CADPS: variants seen among roughly 807,000 people sequenced by gnomAD.
CADPS encodes the protein calcium dependent secretion activator, also known as calcium-dependent secretion activator 1.
A neutral mutation model predicts 167.3 loss-of-function variants in CADPS; 57 were observed. That is an observed-to-expected ratio of 0.34 (90% CI 0.28 to 0.42). CADPS has a LOEUF of 0.42. CADPS is among the 20% of genes least tolerant of loss of function. CADPS has a pLI of 1.00. For synonymous variants in CADPS, 676 were observed against 635.3 expected, an observed-to-expected ratio of 1.06 and a Z score of -0.96; for missense variants, 1,414 against 1,738.1, an observed-to-expected ratio of 0.81 and a Z score of 3.32.
intron 28 of CADPS, among the ~76,000 whole-genome samples, chr3:62,423,413 G>A (rs765550304): frequency 7.9e-5 from 12 of 152,170 alleles, no homozygotes; most frequent in Admixed American, 5.9e-4. Context: ...TATATCCTGC[G>A]GTGATCCATG....
At chr3:62,571,104 C>T (rs2081210046) in intron 8 of CADPS, among the ~76,000 whole-genome samples, 166 bp from the exon 9 acceptor site, 1 of 152,194 alleles carries the variant, frequency 6.6e-6, no homozygotes, top group African/African-American at 2.4e-5. Context: ...ACAGCAAGCA[C>T]TTTTCACTTC....
intron 3 of CADPS, among the ~76,000 whole-genome samples, chr3:62,729,712 T>C (rs2077403524): frequency 6.6e-6 from 1 of 151,912 alleles, no homozygotes; most frequent in African/African-American, 2.4e-5. Flanking sequence ...ACCTCAATGT[T>C]ATTATTGTTG....
At chr3:62,472,467 A>AG (rs1033879261) in intron 24 of CADPS, among the ~76,000 whole-genome samples, 47 of 152,178 alleles carry the variant, frequency 3.1e-4, no homozygotes, top group African/African-American at 1.1e-3. Flanking sequence ...CACCAAAAAC[A>AG]GGGCCTTTAA....
intron 1 of CADPS, among the ~76,000 whole-genome samples, chr3:62,807,306 G>A (rs2094150481): frequency 7.1e-6 from 1 of 140,920 alleles, no homozygotes; most frequent in Non-Finnish European, 1.6e-5. Flanking sequence ...TTGTCGCCCA[G>A]GCTGGAGGGC....
chr3:62,597,576 A>G (rs1396078457), intron 6 of CADPS, among the ~76,000 whole-genome samples: 1 of 152,180 alleles, frequency 6.6e-6, no homozygotes, highest in Non-Finnish European at 1.5e-5. Flanking sequence ...TTCAGTGGGT[A>G]CCAACCCAGG....
At chr3:62,679,157 A>C (rs1017331933) in intron 3 of CADPS, among the ~76,000 whole-genome samples, 2 of 152,008 alleles carry the variant, frequency 1.3e-5, no homozygotes, top group African/African-American at 4.8e-5. Context: ...CAGCTGGTTG[A>C]CCTGCCTTGT....
intron 1 of CADPS, among the ~76,000 whole-genome samples, chr3:62,801,098 T>G (rs907331294): frequency 6.6e-6 from 1 of 152,162 alleles, no homozygotes; most frequent in Non-Finnish European, 1.5e-5. Flanking sequence ...TGTTTCTTCA[T>G]CTGTAGAGTG....
chr3:62,634,443 T>C lies in CADPS; in HGVS notation c.1325+11279A>G, dbSNP rs565849968. The stretch of plus-strand genomic sequence containing the variant: ...AATAGAATTCAACATATAGAGCACA[T>C]ATGAAGATTTTTTACTCCATCGTGC... On this transcript the variant is annotated intron_variant, in intron 6 of 29. Transcript: ENST00000383710. Among the ~76,000 whole-genome samples the C allele has an allele frequency of 1.2e-3, 186 of 152,298 alleles. 2 individuals are homozygous for C. The highest frequency in any genetic ancestry group is 4.2e-3 in the African/African-American group (176 of 41,572).
chr3:62,493,700 T>C (rs1484130910), intron 18 of CADPS, 35 bp from the exon 19 acceptor site: 3 of 1,545,542 alleles, frequency 1.9e-6, no homozygotes, highest in Admixed American at 2.0e-5. Context: ...AATCAAGTCA[T>C]GGACCATTCT....
chr3:62,627,974 C>T (rs1465908700), intron 6 of CADPS, among the ~76,000 whole-genome samples: 1 of 152,190 alleles, frequency 6.6e-6, no homozygotes, highest in Non-Finnish European at 1.5e-5. Context: ...CCATCCCTTC[C>T]CCTAAGGAAA....
At chr3:62,708,434 TTAA>T (rs1478666688) in intron 3 of CADPS, among the ~76,000 whole-genome samples, 1 of 152,074 alleles carries the variant, frequency 6.6e-6, no homozygotes, top group African/African-American at 2.4e-5. Context: ...ATCTGATGTG[TTAA>T]TATTATTATT....
intron 1 of CADPS, among the ~76,000 whole-genome samples, chr3:62,771,368 C>T (rs1484371492): frequency 6.6e-6 from 1 of 152,140 alleles, no homozygotes; most frequent in Non-Finnish European, 1.5e-5. Context: ...TTCTTAACAC[C>T]CTTTGCCAAC....
In CADPS at chr3:62,421,467, G is replaced by T. The variant is rs1020393309; in HGVS notation, c.3777+16637C>A. ...GACAGATGTACAAAGGCGGAACTGCGCCGTGCAGCTTATCCGCATGCACCC... is the reference window on the plus strand; with the variant it reads ...GACAGATGTACAAAGGCGGAACTGCTCCGTGCAGCTTATCCGCATGCACCC... On this transcript the variant is annotated intron_variant, in intron 28 of 29. Coordinates refer to ENST00000383710, the MANE Select transcript of CADPS (RefSeq NM_003716.4). This position sits in a 1 kb window ranked among gnomAD's most constrained non-coding sequence, Gnocchi z 4.7. 6.6e-6 allele frequency among the ~76,000 whole-genome samples: 1 copy of T among 152,140 alleles called. No homozygotes were observed. Among genetic ancestry groups the T allele is most frequent in the Non-Finnish European group, 1.5e-5 (1 of 68,038 alleles).
intron 4 of CADPS, among the ~76,000 whole-genome samples, chr3:62,656,727 A>G (rs2150346346): frequency 6.6e-6 from 1 of 152,290 alleles, no homozygotes; most frequent in Middle Eastern, 3.4e-3. Flanking sequence ...TGAGAGAAAG[A>G]GGTCTTGGTA....
intron 6 of CADPS, among the ~76,000 whole-genome samples, chr3:62,610,239 T>C (rs1370269102): frequency 2.0e-5 from 3 of 149,670 alleles, no homozygotes; most frequent in Non-Finnish European, 4.4e-5. Flanking sequence ...TTTTCTTCCT[T>C]TTCTTTTCTT....
chr3:62,651,151 C>T (rs4688302), intron 4 of CADPS, 71 bp from the exon 5 acceptor site: 1,030,888 of 1,045,428 alleles, frequency 0.99, 509,419 homozygotes, highest in East Asian at 1. Context: ...GGTCTTTGTC[C>T]CATGGCCCAG....
intron 4 of CADPS, among the ~76,000 whole-genome samples, chr3:62,660,282 T>G (rs2072856358): frequency 6.6e-6 from 1 of 152,188 alleles, no homozygotes. Flanking sequence ...GGGAATATAC[T>G]CGTTGTCTAA....
rs2051334364 is a variant in CADPS, at chr3:62,421,304, A to G, written c.3777+16800T>C. ...TTAAACACTTGTGGGTTCATTCGAA[A>G]GAGTGAATGAAATTGAATAAGCTCT... On this transcript the variant is annotated intron_variant, in intron 28 of 29. Coordinates refer to ENST00000383710, the MANE Select transcript of CADPS (RefSeq NM_003716.4). This position sits in a 1 kb window ranked among gnomAD's most constrained non-coding sequence, Gnocchi z 4.7. Among the ~76,000 whole-genome samples the G allele has an allele frequency of 6.6e-6, 1 of 152,010 alleles. No homozygotes were observed. Among genetic ancestry groups the G allele is most frequent in the Non-Finnish European group, 1.5e-5 (1 of 68,006 alleles).
intron 1 of CADPS, among the ~76,000 whole-genome samples, chr3:62,768,900 A>C (rs1442897618): frequency 2.6e-5 from 4 of 152,144 alleles, no homozygotes; most frequent in African/African-American, 9.7e-5. Context: ...TAGTCACATT[A>C]AGCTCTCAGA....
Sources: allele counts gnomAD v4.1 joint callset (sites outside exome capture counted in the v4.1 genomes callset), GRCh38; gene constraint gnomAD v4.1.1; non-coding constraint Gnocchi (gnomAD v3.1); transcripts MANE v1.5; gene names NCBI Gene and HGNC (gene_info 2026-07-23, HGNC 2026-07-21).